The following UFSP2 variants were observed in gnomAD, a reference collection of about 807,000 sequenced individuals.
UFSP2 encodes the protein ufm1-specific protease 2.
UFSP2 carries 43 observed loss-of-function variants against 60.2 expected under a neutral mutation model. That is an observed-to-expected ratio of 0.71 (90% confidence interval 0.56 to 0.92). UFSP2 has a LOEUF of 0.92. Ranked by LOEUF, UFSP2 falls within the 40% of genes least tolerant of loss-of-function variation. UFSP2 has a pLI of 0.00. For synonymous variants in UFSP2, 183 were observed against 195.1 expected (o/e 0.94, Z 0.52); for missense variants, 520 against 575.0 (o/e 0.90, Z 0.98).
At chr4:185,402,311 CA>C (rs1003799625) in intron 11 of UFSP2, 8 of 453,972 alleles carry the variant, frequency 1.8e-5, no homozygotes, top group East Asian at 1.4e-4. Context: ...ATGCACCAGT[CA>C]AAAAACCTTT....
chr4:185,411,840 T>C (rs771278597), intron 7 of UFSP2, among the ~76,000 whole-genome samples: 7 of 152,168 alleles, frequency 4.6e-5, no homozygotes, highest in South Asian at 2.1e-4. Flanking sequence ...ATATGTAATA[T>C]TGAGTGAAAA....
At chr4:185,425,152 G>C (rs1029344750) in intron 1 of UFSP2, among the ~76,000 whole-genome samples, 1 of 152,182 alleles carries the variant, frequency 6.6e-6, no homozygotes, top group Non-Finnish European at 1.5e-5. Flanking sequence ...TGCATGTCGG[G>C]GAGTTGAGAA....
At chr4:185,408,192 G>A (rs2095523660) in intron 8 of UFSP2, 79 bp downstream of exon 8, 2 of 1,549,314 alleles carry the variant, frequency 1.3e-6, no homozygotes, top group East Asian at 2.3e-5. Flanking sequence ...GCACCATGAG[G>A]TAACAAAAAT....
At position 185,407,932 on chromosome 4, in the gene UFSP2, T is replaced by C. The variant is rs1580055724; in HGVS notation, c.1121+4A>G. The stretch of plus-strand genomic sequence containing the variant: ...ATTTATCTAATTTCTTAAAGTGTGC[T>C]TACCTGACAAACAGGATTTTTGACG... On this transcript the variant is annotated splice_donor_region_variant and intron_variant, in intron 9 of 11. Transcript: ENST00000264689. 6.2e-7 allele frequency: 1 copy of C among 1,613,330 alleles called. No individual in the cohort carries two copies. Among genetic ancestry groups the C allele is most frequent in the East Asian group, 2.2e-5 (1 of 44,886 alleles).
At chr4:185,403,675 A>G in intron 10 of UFSP2, 57 bp from the exon 11 acceptor site, 2 of 1,585,252 alleles carry the variant, frequency 1.3e-6, no homozygotes, top group African/African-American at 1.4e-5. Flanking sequence ...TCAAATGCCT[A>G]TTCAATTTAA....
intron 7 of UFSP2, among the ~76,000 whole-genome samples, chr4:185,412,187 A>ATT (rs1194836349): frequency 1.3e-5 from 2 of 152,182 alleles, no homozygotes; most frequent in African/African-American, 4.8e-5. Flanking sequence ...TAAAGTATAT[A>ATT]TTTTTCTTAC....
chr4:185,415,900 G>A (rs971298575), intron 4 of UFSP2, 33 bp from the exon 5 acceptor site: 2 of 1,545,874 alleles, frequency 1.3e-6, no homozygotes, highest in South Asian at 1.2e-5. Context: ...TCAACTTGTA[G>A]TGCATTAAAC....
intron 9 of UFSP2, among the ~76,000 whole-genome samples, chr4:185,407,191 C>T (rs931589612): frequency 6.6e-6 from 1 of 151,512 alleles, no homozygotes; most frequent in Non-Finnish European, 1.5e-5. Context: ...GCTGGGATTA[C>T]AGGCATGCGC....
intron 10 of UFSP2, among the ~76,000 whole-genome samples, chr4:185,405,287 T>A (rs1207939833): frequency 6.6e-6 from 1 of 152,092 alleles, no homozygotes; most frequent in Non-Finnish European, 1.5e-5. Context: ...TGTGAGCCAC[T>A]ATGCCCAGCT....
rs1192454979 is a variant in UFSP2, at chr4:185,415,147, G to A, written c.684+8C>T. The A allele has an allele frequency of 6.4e-7, 1 of 1,569,050 alleles. No homozygotes were observed. The highest frequency in any genetic ancestry group is 8.6e-7 in the Non-Finnish European group (1 of 1,166,930). ...TGTTTTTTCTAAGAATAGATGAACT[G>A]GTTTTACCTTCCTATAGGCCTGCAG... On this transcript the variant is annotated splice_region_variant and intron_variant, in intron 6 of 11. Transcript: ENST00000264689.
chr4:185,420,127 G>A (rs1044221475), intron 2 of UFSP2, among the ~76,000 whole-genome samples: 5 of 151,870 alleles, frequency 3.3e-5, no homozygotes, highest in African/African-American at 1.2e-4. Context: ...TTTCTCTTTG[G>A]ACTATATCCC....
chr4:185,405,735 T>A, intron 10 of UFSP2, 45 bp downstream of exon 10: 1 of 1,570,066 alleles, frequency 6.4e-7, no homozygotes, highest in Non-Finnish European at 8.7e-7. Flanking sequence ...TGATAAGTTT[T>A]GCATATTACT....
chr4:185,417,518 A>G (rs1424432171), intron 4 of UFSP2, among the ~76,000 whole-genome samples: 1 of 152,180 alleles, frequency 6.6e-6, no homozygotes, highest in Non-Finnish European at 1.5e-5. Context: ...CTTGTATGCA[A>G]TCCCTCTTCT....
At position 185,413,751 on chromosome 4, in the gene UFSP2, T is replaced by C. The variant is rs1380732914; in HGVS notation, c.806A>G (p.Asn269Ser). The change falls in exon 7 of 12, where the codon AAT (asparagine) becomes AGT (serine). Residue 269 changes from asparagine (N) to serine (S), a missense_variant. Asn to Ser is a conservative substitution (Grantham distance 46). Transcript: ENST00000264689. Reference sequence around the variant, plus strand: ...CATACCAGTCTCCATGTTAGGTGGATTAAGGTAAGTATGTGGATTTCTAAT... The same window carrying C: ...CATACCAGTCTCCATGTTAGGTGGACTAAGGTAAGTATGTGGATTTCTAAT... ...GYIRNPHTYL[N>S]PPNMETGMIY... 6.2e-7 allele frequency: 1 copy of C among 1,612,952 alleles called. No homozygotes were observed. The highest frequency in any genetic ancestry group is 2.2e-5 in the East Asian group (1 of 44,748).
At position 185,408,429 on chromosome 4, in the gene UFSP2, C is replaced by T; in HGVS notation, c.838G>A (p.Val280Met). ...PPNMETGMIY[V>M]VQGIYGYHHY... ...TGATAGCCATATATGCCCTGGACCA[C>T]ATAAATCTATATACAGAGAAGAAAC... is the stretch of plus-strand genomic sequence containing the variant. Residue 280 changes from valine to methionine, a missense_variant, in exon 8 of 12, where the codon GTG becomes ATG. Coordinates refer to ENST00000264689, the MANE Select transcript of UFSP2 (RefSeq NM_018359.5). 3.1e-6 allele frequency: 5 copies of T among 1,613,658 alleles called. No homozygotes were observed. The highest frequency in any genetic ancestry group is 4.2e-6 in the Non-Finnish European group (5 of 1,179,798).
chr4:185,407,017 C>CTTTTTTTTTTTTTTTTTTTTTGTTTTTT (rs34710879), intron 9 of UFSP2, among the ~76,000 whole-genome samples: 1 of 99,092 alleles, frequency 1.0e-5, no homozygotes, highest in Non-Finnish European at 2.0e-5. Flanking sequence ...TTTGGCTTTT[C>CTTTTTTTTTTTTTTTTTTTTTGTTTTTT]TTTTTTTTTT....
chr4:185,425,775 C>A (rs993383085), intron 1 of UFSP2, 91 bp downstream of exon 1: 119 of 1,546,648 alleles, frequency 7.7e-5, no homozygotes, highest in African/African-American at 1.4e-5. Context: ...CCGGCAGGAC[C>A]AGCTCCTTTC....
At position 185,418,588 on chromosome 4, in the gene UFSP2, G is replaced by C; in HGVS notation, c.265C>G (p.Gln89Glu). ...SACKNILRFI[Q>E]FEPEEDIKRK... The stretch of plus-strand genomic sequence containing the variant: ...CTAGAAATCTTCAAACATACTCACT[G>C]AATAAAGCGCAGTATGTTCTTACAA... Residue 89 changes from glutamine to glutamate, a missense_variant and splice_region_variant, in exon 3 of 12, where the codon CAA becomes GAA. By Grantham distance (29) the Gln-to-Glu change is conservative. Coordinates refer to ENST00000264689, the MANE Select transcript of UFSP2 (RefSeq NM_018359.5). 6.2e-7 allele frequency: 1 copy of C among 1,612,732 alleles called. No individual in the cohort carries two copies. Among genetic ancestry groups the C allele is most frequent in the Non-Finnish European group, 8.5e-7 (1 of 1,179,712 alleles).
intron 10 of UFSP2, 122 bp downstream of exon 10, chr4:185,405,658 G>T: frequency 9.9e-7 from 1 of 1,013,352 alleles, no homozygotes; most frequent in Non-Finnish European, 1.4e-6. Context: ...CCATACATAT[G>T]GTGTAAAAGT....
Sources: gnomAD v4.1 joint callset for allele counts (sites outside exome capture counted in the v4.1 genomes callset) on GRCh38, gnomAD v4.1.1 for gene constraint, MANE v1.5 for transcripts, NCBI Gene and HGNC (gene_info 2026-07-23, HGNC 2026-07-21) for gene names.